The following RARG variants were observed in gnomAD, a reference collection of about 807,000 sequenced individuals.
RARG encodes the protein RAR-gamma.
In RARG, 17 loss-of-function variants were observed where a neutral mutation model predicts 43.7. That is an observed-to-expected ratio of 0.39 (90% CI 0.27 to 0.58). RARG has a LOEUF of 0.58. RARG is among the 20% of genes least tolerant of loss of function. The pLI, the probability that RARG is intolerant of heterozygous loss-of-function variation, is 0.57. For synonymous variants in RARG, 238 were observed against 236.4 expected (o/e 1.01, Z -0.06); for missense variants, 346 against 598.7 (o/e 0.58, Z 4.40).
At chr12:53,220,908 C>T (rs1206758053) in intron 3 of RARG, among the ~76,000 whole-genome samples, 1 of 152,146 alleles carries the variant, frequency 6.6e-6, no homozygotes, top group Non-Finnish European at 1.5e-5. Flanking sequence ...CCACCCCTCT[C>T]ATTCCCAGGC....
chr12:53,230,836 CGTGTGTGTGTGT>C (rs59367849), intron 2 of RARG, among the ~76,000 whole-genome samples: 251 of 119,994 alleles, frequency 2.1e-3, no homozygotes, highest in African/African-American at 6.6e-3. Context: ...GGCCACAGTG[CGTGTGTGTGTGT>C]GTGTGTGTGT....
At chr12:53,216,358 G>C (rs1048010730) in intron 3 of RARG, among the ~76,000 whole-genome samples, 11 of 152,194 alleles carry the variant, frequency 7.2e-5, no homozygotes, top group African/African-American at 2.7e-4. Flanking sequence ...TTCCTTTCCA[G>C]TAGTACAGGG....
chr12:53,214,897 G>A lies in RARG; in HGVS notation c.476-291C>T, dbSNP rs77452984. The A allele has an allele frequency of 5.3e-4, 229 of 432,842 alleles. 3 individuals are homozygous for A. The East Asian group carries it at 8.4e-3, about 16-fold the overall frequency. 26.8% of individuals were successfully genotyped at this position (432,842 alleles called of 1,614,324 possible). ...GGGAGGGGGGGCAGGATATGCAGGC[G>A]GCAGGATATCCACTTATAGCCTTGG... On this transcript the variant is annotated intron_variant, in intron 5 of 9. Coordinates refer to ENST00000425354, the MANE Select transcript of RARG (RefSeq NM_000966.6).
intron 3 of RARG, among the ~76,000 whole-genome samples, chr12:53,223,368 A>G (rs1943025744): frequency 6.6e-6 from 1 of 151,756 alleles, no homozygotes; most frequent in Non-Finnish European, 1.5e-5. Context: ...AGGGGGCAGC[A>G]GAAGAGCAGA....
chr12:53,221,124 A>ACCCCG (rs1209650897), intron 3 of RARG, among the ~76,000 whole-genome samples: 1 of 37,204 alleles, frequency 2.7e-5, no homozygotes, highest in Non-Finnish European at 6.2e-5. Flanking sequence ...GCCCCGCCCC[A>ACCCCG]CCCCGCCCAG....
intron 5 of RARG, 188 bp from the exon 6 acceptor site, chr12:53,214,794 C>G (rs1057009792): frequency 5.4e-5 from 34 of 626,844 alleles, no homozygotes; most frequent in Non-Finnish European, 8.6e-5. Flanking sequence ...CCCAGCCCCA[C>G]CCAGGGCCTG....
chr12:53,226,099 C>A (rs1943101355), intron 3 of RARG, among the ~76,000 whole-genome samples: 2 of 152,190 alleles, frequency 1.3e-5, no homozygotes, highest in African/African-American at 2.4e-5. Context: ...CCCCTTTTTG[C>A]AGCCTCCATG....
chr12:53,220,236 G>T (rs1305772283), intron 3 of RARG: 3 of 1,517,906 alleles, frequency 2.0e-6, no homozygotes, highest in Non-Finnish European at 2.7e-6. Flanking sequence ...GGCTGCATGC[G>T]GGTAAGGGGT....
At chr12:53,230,882 T>C (rs1943220656) in intron 2 of RARG, among the ~76,000 whole-genome samples, 1 of 123,624 alleles carries the variant, frequency 8.1e-6, no homozygotes, top group Non-Finnish European at 1.8e-5. Flanking sequence ...TGTGTGTGTG[T>C]ATGTCTGTCT....
At chr12:53,217,311 C>T (rs980251918) in intron 3 of RARG, among the ~76,000 whole-genome samples, 1 of 152,128 alleles carries the variant, frequency 6.6e-6, no homozygotes, top group Non-Finnish European at 1.5e-5. Flanking sequence ...AGGGCTGGAA[C>T]GCCTTTCCCA....
rs188003612 is a variant in RARG at position 53,231,212 on chromosome 12, G to A, written c.-186C>T. On this transcript the variant is annotated 5_prime_UTR_variant, in exon 2 of 10. Coordinates refer to ENST00000425354, the MANE Select transcript of RARG (RefSeq NM_000966.6). ...GACTGGCTTCTACATACTGGGTCAG[G>A]TTGAGGGAACTGGGCCGTAGCTGCT... 1.3e-5 allele frequency: 2 copies of A among 152,410 alleles called. No individual in the cohort carries two copies. Among genetic ancestry groups the A allele is most frequent in the East Asian group, 1.9e-4 (1 of 5,190 alleles). 9.4% of individuals were successfully genotyped at this position (152,410 alleles called of 1,614,324 possible). A position where few individuals can be genotyped will look rare whatever the true frequency, so the allele number is the denominator to read the frequency against.
rs1943190013 is a variant in RARG at position 53,229,858 on chromosome 12, CAGGTAGGGCAGTGGGGGTCCCCA to C, written c.-143+1288_-143+1310del. The stretch of plus-strand genomic sequence containing the variant: ...CTCACCTACCAATGGGAAACACAGG[CAGGTAGGGCAGTGGGGGTCCCCA>C]CAGAGGGATGCTCAGCTCCTGATCC... On this transcript the variant is annotated intron_variant, in intron 2 of 9. Transcript: ENST00000425354. 5.2e-6 allele frequency: 4 copies of C among 769,736 alleles called. No individual in the cohort carries two copies. In the East Asian group the frequency reaches 5.2e-4, roughly 99 times the overall value. The allele number at this position is 769,736 out of a possible 1,614,324, so 47.7% of individuals were successfully genotyped here. A position where few individuals can be genotyped will look rare whatever the true frequency, so the allele number is the denominator to read the frequency against.
Position 53,227,371 on chromosome 12 carries a change from C to A in RARG, c.175G>T (p.Ala59Ser). The A allele has an allele frequency of 6.4e-7, 1 of 1,569,390 alleles. No individual in the cohort carries two copies. Among genetic ancestry groups the A allele is most frequent in the Non-Finnish European group, 8.6e-7 (1 of 1,159,322 alleles). ...LGQPDLPKEM[A>S]SLSVETQSTS... ...GATCCCTGAGACTCACACAGAGAGG[C>A]CATCTCCTTGGGGAGGTCAGGCTGG... Residue 59 changes from alanine to serine, a missense_variant, in exon 3 of 10, where the codon GCC (alanine) becomes TCC (serine). Physicochemically the swap from Ala to Ser is moderately conservative, Grantham distance 99. Around this residue, in one of 8 missense-constraint regions of RARG, gnomAD observed 90 missense variants for 93.2 expected, o/e 0.97. Transcript: ENST00000425354. This position sits in a 1 kb window ranked among gnomAD's most constrained non-coding sequence, Gnocchi z 4.3.
chr12:53,211,163 C>G lies in RARG; in HGVS notation c.*513G>C, dbSNP rs1241895666. ...AGAAATGCAGGGCCCAGCCTGCCCC[C>G]ACCTTGACCTGGCACAAGGACGGGG... On this transcript the variant is annotated 3_prime_UTR_variant, in exon 10 of 10. Coordinates refer to ENST00000425354, the MANE Select transcript of RARG (RefSeq NM_000966.6). This position sits in a 1 kb window ranked among gnomAD's most constrained non-coding sequence, Gnocchi z 4.6. 6.5e-6 allele frequency: 1 copy of G among 153,096 alleles called. No individual in the cohort carries two copies. The highest frequency in any genetic ancestry group is 1.9e-4 in the East Asian group (1 of 5,204). 9.5% of individuals were successfully genotyped at this position (153,096 alleles called of 1,614,324 possible). A position where few individuals can be genotyped will look rare whatever the true frequency, so the allele number is the denominator to read the frequency against.
Position 53,213,981 on chromosome 12 carries a change from T to C in RARG, c.813+78A>G. The C allele has an allele frequency of 6.7e-7, 1 of 1,486,236 alleles. No homozygotes were observed. The highest frequency in any genetic ancestry group is 1.2e-5 in the South Asian group (1 of 80,408). The allele number at this position is 1,486,236 out of a possible 1,614,324, so 92.1% of individuals were successfully genotyped here. On this transcript the variant is annotated intron_variant, in intron 7 of 9. Coordinates refer to ENST00000425354, the MANE Select transcript of RARG (RefSeq NM_000966.6). The surrounding 1 kb of genome is among the most constrained non-coding windows in gnomAD (Gnocchi z 4.7). ...TGGCAGGGGGTGCAGGGTAAGGAAA[T>C]CTTTGCATGGATCAAGGAATTGTTG...
At position 53,211,757 on chromosome 12, in the gene RARG, C is replaced by T. The variant is rs1304054607; in HGVS notation, c.1284G>A (p.Gln428=). The change falls in exon 10 of 10, where the codon CAG becomes CAA. Residue 428 remains glutamine, a synonymous_variant. Coordinates refer to ENST00000425354, the MANE Select transcript of RARG (RefSeq NM_000966.6). This position sits in a 1 kb window ranked among gnomAD's most constrained non-coding sequence, Gnocchi z 4.6. The part of the protein sequence containing the change: ...NPEMFEDDSS[Q]PGPHPNASSE... ...TAGAGGCATTGGGGTGGGGACCAGG[C>T]TGCGAGGAGTCATCCTCAAACATTT... 6.4e-7 allele frequency: 1 copy of T among 1,570,176 alleles called. No homozygotes were observed.
chr12:53,222,222 A>G (rs1025142706), intron 3 of RARG, among the ~76,000 whole-genome samples: 1 of 143,620 alleles, frequency 7.0e-6, no homozygotes, highest in African/African-American at 2.9e-5. Context: ...CAAAAAAAAG[A>G]AAGAAAGAGA....
At position 53,227,018 on chromosome 12, in the gene RARG, G is replaced by A. The variant is rs918668436; in HGVS notation, c.184+344C>T. On this transcript the variant is annotated intron_variant, in intron 3 of 9. Coordinates refer to ENST00000425354, the MANE Select transcript of RARG (RefSeq NM_000966.6). The surrounding 1 kb of genome is among the most constrained non-coding windows in gnomAD (Gnocchi z 4.3). ...CACTGCAAGCAAGCAGCAGATTCAC[G>A]CTGCACCAGACCCACCCCCAGCTGC... Among the ~76,000 whole-genome samples the A allele has an allele frequency of 7.9e-5, 12 of 152,212 alleles. No individual in the cohort carries two copies. The South Asian group carries it at 1.2e-3, about 16-fold the overall frequency.
chr12:53,231,825 G>T (rs897840839), intron 1 of RARG, 149 bp downstream of exon 1: 6 of 377,670 alleles, frequency 1.6e-5, no homozygotes, highest in Non-Finnish European at 2.8e-5. Flanking sequence ...CTGGGTCGGG[G>T]CAAGAAGCCC....
Sources: allele counts gnomAD v4.1 joint callset (sites outside exome capture counted in the v4.1 genomes callset), GRCh38; gene constraint gnomAD v4.1.1; regional missense constraint gnomAD v4.1.1; non-coding constraint Gnocchi (gnomAD v3.1); transcripts MANE v1.5; gene names NCBI Gene and HGNC (gene_info 2026-07-23, HGNC 2026-07-21).